Variants in SCN3A observed in about 807,000 individuals in gnomAD.
SCN3A encodes the protein sodium voltage-gated channel alpha subunit 3.
SCN3A carries 60 observed loss-of-function variants against 187.6 expected under a neutral mutation model. The observed-to-expected ratio is 0.32, with a 90% CI of 0.26 to 0.40. SCN3A has a LOEUF of 0.40. SCN3A is among the 10% of genes least tolerant of loss of function. The pLI is 1.00. For synonymous variants in SCN3A, 788 were observed against 829.2 expected (o/e 0.95, Z 0.85); for missense variants, 1,601 against 2,428.2 (o/e 0.66, Z 7.16).
chr2:165,098,127 G>A (rs1685447680), intron 22 of SCN3A, among the ~76,000 whole-genome samples: 1 of 152,156 alleles, frequency 6.6e-6, no homozygotes, highest in South Asian at 2.1e-4. Context: ...TACTGGATAA[G>A]TTCCCATTAT....
chr2:165,202,885 T>G, intron 1 of SCN3A, among the ~76,000 whole-genome samples: 1 of 152,172 alleles, frequency 6.6e-6, no homozygotes, highest in Non-Finnish European at 1.5e-5. Flanking sequence ...TTTTTAAAAC[T>G]TATCTTTCAA....
intron 12 of SCN3A, among the ~76,000 whole-genome samples, chr2:165,143,453 A>G (rs1688136005): frequency 6.6e-6 from 1 of 152,176 alleles, no homozygotes; most frequent in African/African-American, 2.4e-5. Context: ...CAGATCTCTG[A>G]GTTTATTTGA....
At chr2:165,112,374 C>T (rs917380045) in intron 21 of SCN3A, among the ~76,000 whole-genome samples, 9 of 152,136 alleles carry the variant, frequency 5.9e-5, no homozygotes, top group African/African-American at 2.2e-4. Context: ...AATGGAAATG[C>T]ATTTTGTTGT....
intron 5 of SCN3A, among the ~76,000 whole-genome samples, chr2:165,167,377 T>C (rs1371223705): frequency 6.6e-6 from 1 of 152,006 alleles, no homozygotes; most frequent in African/African-American, 2.4e-5. Flanking sequence ...ACTATTTTTT[T>C]TTAAATAACA....
chr2:165,183,236 T>C (rs1208192633), intron 2 of SCN3A, among the ~76,000 whole-genome samples: 1 of 152,336 alleles, frequency 6.6e-6, no homozygotes, highest in East Asian at 1.9e-4. Flanking sequence ...ACTCTCTGCC[T>C]GTAAAATAAA....
chr2:165,139,743 T>C (rs1222597360), intron 13 of SCN3A, 135 bp from the exon 14 acceptor site: 1 of 1,119,264 alleles, frequency 8.9e-7, no homozygotes, highest in Non-Finnish European at 1.3e-6. Context: ...TATTGAATTA[T>C]TGCTAAGTTA....
At position 165,170,375 on chromosome 2, in the gene SCN3A, T is replaced by A; in HGVS notation, c.383+55A>T. 5.9e-6 allele frequency: 6 copies of A among 1,018,094 alleles called. No individual in the cohort carries two copies. The South Asian group carries it at 7.8e-5, about 13-fold the overall frequency. 63.1% of individuals were successfully genotyped at this position (1,018,094 alleles called of 1,614,324 possible). A position where few individuals can be genotyped will look rare whatever the true frequency, so the allele number is the denominator to read the frequency against. On this transcript the variant is annotated intron_variant, in intron 4 of 27. Coordinates refer to ENST00000283254, the MANE Select transcript of SCN3A (RefSeq NM_006922.4). ...ATACTTGAAAATATAACTGACATTT[T>A]CTTTAAAATCAACTGTTAGAAATAG...
chr2:165,122,230 C>CTTTTTTTTTTTTTTTTTTTTTTTTTT (rs776949572), intron 18 of SCN3A, among the ~76,000 whole-genome samples: 1 of 113,916 alleles, frequency 8.8e-6, no homozygotes, highest in Non-Finnish European at 1.8e-5. Flanking sequence ...TTCTTTCTTT[C>CTTTTTTTTTTTTTTTTTTTTTTTTTT]TTTTTTTTCT....
At chr2:165,096,394 C>T in intron 24 of SCN3A, 73 bp downstream of exon 24, 2 of 1,139,320 alleles carry the variant, frequency 1.8e-6, no homozygotes, top group East Asian at 2.3e-5. Context: ...TTGGATGTAT[C>T]AGTGTTTAAA....
At chr2:165,109,869 T>C (rs1482825887) in intron 21 of SCN3A, among the ~76,000 whole-genome samples, 1 of 152,216 alleles carries the variant, frequency 6.6e-6, no homozygotes, top group East Asian at 1.9e-4. Flanking sequence ...TGTGTACTTT[T>C]TGAGTTCGGT....
intron 2 of SCN3A, among the ~76,000 whole-genome samples, chr2:165,183,035 C>T (rs1045828643): frequency 6.7e-6 from 1 of 150,106 alleles, no homozygotes; most frequent in African/African-American, 2.4e-5. Flanking sequence ...TAAGAATATT[C>T]ACGGCATTGC....
chr2:165,097,200 T>C, intron 23 of SCN3A, 52 bp downstream of exon 23: 1 of 1,608,882 alleles, frequency 6.2e-7, no homozygotes, highest in Non-Finnish European at 8.5e-7. Context: ...GGAAATAATC[T>C]TCCTTGAAAC....
chr2:165,092,872 C>A lies in SCN3A; in HGVS notation c.4537-348G>T, dbSNP rs761089205. ...AAGAGTTCCAGACCAGCCTGGGCAA[C>A]ATAGTGAGACCTCATTTCTATTAAA... On this transcript the variant is annotated intron_variant, in intron 26 of 27. Transcript: ENST00000283254. This position sits in a 1 kb window ranked among gnomAD's most constrained non-coding sequence, Gnocchi z 4.2. 1.3e-5 allele frequency: 3 copies of A among 227,780 alleles called. No homozygotes were observed. Among genetic ancestry groups the A allele is most frequent in the African/African-American group, 2.6e-5 (1 of 38,376 alleles). 14.1% of individuals were successfully genotyped at this position (227,780 alleles called of 1,614,324 possible). A position where few individuals can be genotyped will look rare whatever the true frequency, so the allele number is the denominator to read the frequency against.
chr2:165,185,025 C>T (rs1471871271), intron 2 of SCN3A, among the ~76,000 whole-genome samples: 1 of 150,854 alleles, frequency 6.6e-6, no homozygotes, highest in African/African-American at 2.4e-5. Flanking sequence ...TGATCTATTT[C>T]TGTTTTTCTG....
chr2:165,197,683 C>T (rs1028674178), intron 1 of SCN3A, among the ~76,000 whole-genome samples: 3 of 149,604 alleles, frequency 2.0e-5, no homozygotes, highest in African/African-American at 7.4e-5. Context: ...CTCCTATTTA[C>T]TGGCCAAGAA....
rs762795632 is a variant in SCN3A, at chr2:165,131,229, T to C, written c.2565+15A>G. The C allele has an allele frequency of 6.5e-7, 1 of 1,537,046 alleles. No homozygotes were observed. The highest frequency in any genetic ancestry group is 2.3e-5 in the East Asian group (1 of 42,738). On this transcript the variant is annotated intron_variant, in intron 16 of 27. Transcript: ENST00000283254. ...GTTGTGCCAATGAGCGACAGGGATA[T>C]ATATAAATAGATACCAGTCTGAATG...
chr2:165,164,640 A>ATTTTAATTGTTC, intron 5 of SCN3A, 120 bp from the exon 6 acceptor site: 4 of 1,082,546 alleles, frequency 3.7e-6, no homozygotes, highest in Non-Finnish European at 5.4e-6. Flanking sequence ...ATTGTTCCTT[A>ATTTTAATTGTTC]CTTCTATTTA....
Position 165,127,622 on chromosome 2 carries a change from C to G in SCN3A, c.3393+9G>C. ...GGAAATGGAACAAAAAATTTAAAAG[C>G]ATTCTTACCTCTTTGCTTTCTTCTA... On this transcript the variant is annotated intron_variant, in intron 18 of 27. Coordinates refer to ENST00000283254, the MANE Select transcript of SCN3A (RefSeq NM_006922.4). 6.2e-7 allele frequency: 1 copy of G among 1,608,866 alleles called. No homozygotes were observed. The highest frequency in any genetic ancestry group is 8.5e-7 in the Non-Finnish European group (1 of 1,176,092).
At chr2:165,154,722 T>C (rs1688911622) in intron 10 of SCN3A, 64 bp from the exon 11 acceptor site, 8 of 1,433,878 alleles carry the variant, frequency 5.6e-6, no homozygotes, top group Non-Finnish European at 7.9e-6. Flanking sequence ...AAATATCTGA[T>C]TACCACAGTT....
Sources: allele counts gnomAD v4.1 joint callset (sites outside exome capture counted in the v4.1 genomes callset), GRCh38; gene constraint gnomAD v4.1.1; non-coding constraint Gnocchi (gnomAD v3.1); transcripts MANE v1.5; gene names NCBI Gene and HGNC (gene_info 2026-07-23, HGNC 2026-07-21).